HERC3: variants seen among roughly 807,000 people sequenced by gnomAD.
HERC3 encodes the protein HECT and RLD domain containing E3 ubiquitin protein ligase 3, also known as probable E3 ubiquitin-protein ligase HERC3.
In HERC3, 58 loss-of-function variants were observed where a neutral mutation model predicts 129.9. The observed-to-expected ratio is 0.45, with a 90% confidence interval of 0.36 to 0.56. The LOEUF is 0.56. Among genes scored for constraint, HERC3 ranks in the 20% least tolerant of loss-of-function variants. The pLI, the probability that HERC3 is intolerant of heterozygous loss-of-function variation, is 0.00. For missense variants in HERC3, 835 were observed against 1,244.2 expected, an observed-to-expected ratio of 0.67 and a Z score of 4.95; for synonymous variants, 430 against 451.0, an observed-to-expected ratio of 0.95 and a Z score of 0.59.
intron 3 of HERC3, among the ~76,000 whole-genome samples, chr4:88,637,222 G>A (rs775100112): frequency 3.3e-5 from 5 of 151,976 alleles, no homozygotes; most frequent in Non-Finnish European, 2.9e-5. Context: ...TCAGGAGATC[G>A]AGACCATCCT....
chr4:88,672,020 A>T (rs1179605029), intron 16 of HERC3, among the ~76,000 whole-genome samples: 1 of 152,176 alleles, frequency 6.6e-6, no homozygotes, highest in Non-Finnish European at 1.5e-5. Flanking sequence ...AATAAGCCTG[A>T]TGAATTATTT....
At chr4:88,530,840 G>A in the HERC3 span, among the ~76,000 whole-genome samples, 1 of 152,050 alleles carries the variant, frequency 6.6e-6, no homozygotes, top group Non-Finnish European at 1.5e-5. Flanking sequence ...TATGGAAAGA[G>A]GAATAGTATT....
chr4:88,550,371 A>G, the HERC3 span, among the ~76,000 whole-genome samples: 1 of 152,242 alleles, frequency 6.6e-6, no homozygotes, highest in African/African-American at 2.4e-5. Context: ...ACATGACTGT[A>G]TATCTAGAAA....
chr4:88,682,499 T>C (rs1292100670), intron 21 of HERC3, among the ~76,000 whole-genome samples: 2 of 106,006 alleles, frequency 1.9e-5, no homozygotes, highest in Non-Finnish European at 3.6e-5. Flanking sequence ...CAGGCCCCAG[T>C]GTGTGATGTT....
the HERC3 span, among the ~76,000 whole-genome samples, chr4:88,562,833 G>T: frequency 6.6e-6 from 1 of 152,132 alleles, no homozygotes; most frequent in African/African-American, 2.4e-5. Flanking sequence ...TTATTTCTGT[G>T]TTCTCTATTC....
At chr4:88,638,085 T>C (rs1727629738) in intron 3 of HERC3, among the ~76,000 whole-genome samples, 2 of 152,152 alleles carry the variant, frequency 1.3e-5, no homozygotes, top group African/African-American at 4.8e-5. Flanking sequence ...GTTATGAAAT[T>C]GAGTCAGTAA....
At position 88,705,684 on chromosome 4, in the gene HERC3, G is replaced by C. The variant is rs574953449; in HGVS notation, c.2945-1068G>C. On this transcript the variant is annotated intron_variant, in intron 25 of 25. Coordinates refer to ENST00000402738, the MANE Select transcript of HERC3 (RefSeq NM_014606.3). ...TTAAAAATGGTTGAAATATTTCTCA[G>C]TTTGTGTCTGTGTGTAATCAGCGTC... Among the ~76,000 whole-genome samples, 8 of 152,286 alleles carry C rather than the reference G, an allele frequency of 5.3e-5. No individual in the cohort carries two copies. In the East Asian group the frequency reaches 1.5e-3, roughly 29 times the overall value.
the HERC3 span, among the ~76,000 whole-genome samples, chr4:88,554,172 C>G: frequency 6.6e-6 from 1 of 151,876 alleles, no homozygotes; most frequent in Non-Finnish European, 1.5e-5. Context: ...ATGGTGAAAC[C>G]CTGTCTCTAC....
chr4:88,604,864 G>A (rs1013995115), intron 2 of HERC3, among the ~76,000 whole-genome samples: 5 of 152,154 alleles, frequency 3.3e-5, no homozygotes, highest in African/African-American at 1.2e-4. Context: ...ATGTAGTATG[G>A]TTCTAATAGC....
chr4:88,663,537 T>G (rs576848640), intron 11 of HERC3, among the ~76,000 whole-genome samples: 1 of 152,190 alleles, frequency 6.6e-6, no homozygotes, highest in Non-Finnish European at 1.5e-5. Flanking sequence ...CAGAAACTAC[T>G]GTAATCCCCT....
Position 88,653,998 on chromosome 4 carries a change from C to T in HERC3, c.686-44C>T, listed in dbSNP as rs368821734. On this transcript the variant is annotated intron_variant, in intron 6 of 25. Coordinates refer to ENST00000402738, the MANE Select transcript of HERC3 (RefSeq NM_014606.3). ...CAAGATAGTTGTGTATATTTCATCT[C>T]AAAGGCAAATGGTAGTGATATTCTG... 2.8e-6 allele frequency: 4 copies of T among 1,414,954 alleles called. No individual in the cohort carries two copies. The African/African-American group carries it at 5.6e-5, about 20-fold the overall frequency. 87.6% of individuals were successfully genotyped at this position (1,414,954 alleles called of 1,614,324 possible). A position where few individuals can be genotyped will look rare whatever the true frequency, so the allele number is the denominator to read the frequency against.
At chr4:88,621,666 G>A (rs1725536306) in intron 3 of HERC3, among the ~76,000 whole-genome samples, 1 of 152,168 alleles carries the variant, frequency 6.6e-6, no homozygotes, top group Non-Finnish European at 1.5e-5. Context: ...TGAAGCTGAG[G>A]AGAAAGAAAG....
At chr4:88,616,736 G>A (rs897997644) in intron 3 of HERC3, among the ~76,000 whole-genome samples, 1 of 152,170 alleles carries the variant, frequency 6.6e-6, no homozygotes, top group African/African-American at 2.4e-5. Context: ...GCAGTTTCAA[G>A]TAACAACAGA....
chr4:88,669,139 A>C (rs1731349029), intron 14 of HERC3, among the ~76,000 whole-genome samples: 1 of 152,186 alleles, frequency 6.6e-6, no homozygotes, highest in South Asian at 2.1e-4. Context: ...CAAAGTAGAG[A>C]GTATGCTACA....
At chr4:88,558,583 C>A in the HERC3 span, among the ~76,000 whole-genome samples, 1 of 152,072 alleles carries the variant, frequency 6.6e-6, no homozygotes, top group East Asian at 1.9e-4. Flanking sequence ...GCACTAAAAT[C>A]TCAGAAATCA....
At chr4:88,552,049 C>G in the HERC3 span, among the ~76,000 whole-genome samples, 1 of 151,286 alleles carries the variant, frequency 6.6e-6, no homozygotes, top group African/African-American at 2.4e-5. Context: ...AAACCAAATA[C>G]CGCATGTTCT....
In HERC3 at chr4:88,664,064, G is replaced by T. The variant is rs184671325; in HGVS notation, c.1272-89G>T. ...AAGAGCTGCTATTAATGAAATCCTT[G>T]AGTAGATGGTTACTTTATTATTGAT... On this transcript the variant is annotated intron_variant, in intron 11 of 25. Transcript: ENST00000402738. 16 of 1,064,414 alleles carry T rather than the reference G, an allele frequency of 1.5e-5. No homozygotes were observed. The African/African-American group carries it at 2.1e-4, about 14-fold the overall frequency. The allele number at this position is 1,064,414 out of a possible 1,614,324, so 65.9% of individuals were successfully genotyped here. A position where few individuals can be genotyped will look rare whatever the true frequency, so the allele number is the denominator to read the frequency against.
chr4:88,678,332 T>C (rs779510713), intron 19 of HERC3, among the ~76,000 whole-genome samples, 198 bp downstream of exon 19: 2 of 152,234 alleles, frequency 1.3e-5, no homozygotes, highest in Non-Finnish European at 2.9e-5. Flanking sequence ...GCCAGTGGAT[T>C]ATTTGAAAGA....
chr4:88,584,098 G>C, the HERC3 span: 3 of 152,166 alleles, frequency 2.0e-5, no homozygotes, highest in Admixed American at 6.5e-5. Context: ...AATCCTGAAG[G>C]CTAGAAGTTT....
Sources: gnomAD v4.1 joint callset for allele counts (sites outside exome capture counted in the v4.1 genomes callset) on GRCh38, gnomAD v4.1.1 for gene constraint, MANE v1.5 for transcripts, NCBI Gene and HGNC (gene_info 2026-07-23, HGNC 2026-07-21) for gene names.